Variants in DLGAP2 observed in about 807,000 individuals in gnomAD.
The protein encoded by DLGAP2 is disks large-associated protein 2.
Under a neutral mutation model 100.3 loss-of-function variants are expected in DLGAP2, and 26 were observed. The observed-to-expected ratio is 0.26, with a 90% CI of 0.19 to 0.36. DLGAP2 has a LOEUF of 0.36. Ranked by LOEUF, DLGAP2 falls within the 10% of genes least tolerant of loss-of-function variation. The probability of loss-of-function intolerance (pLI) is 1.00; values close to 1 mark genes in which losing one functional copy is unlikely to be tolerated. For missense variants in DLGAP2, 1,858 were observed against 1,453.2 expected (o/e 1.28, Z -4.53); for synonymous variants, 886 against 630.1 (o/e 1.41, Z -6.08).
chr8:1,445,943 T>C (rs1192732027), intron 3 of DLGAP2, among the ~76,000 whole-genome samples: 3 of 152,090 alleles, frequency 2.0e-5, no homozygotes, highest in African/African-American at 7.2e-5. Context: ...GGTCGTTTGC[T>C]TTTTTTCTTG....
intron 5 of DLGAP2, among the ~76,000 whole-genome samples, chr8:1,556,535 GC>G (rs1359851491): frequency 6.6e-6 from 1 of 152,196 alleles, no homozygotes; most frequent in Non-Finnish European, 1.5e-5. Flanking sequence ...TGTGTCTCCT[GC>G]CTCAGACTTG....
At chr8:1,548,465 A>AC (rs1801623237) in intron 4 of DLGAP2, among the ~76,000 whole-genome samples, 161 bp from the exon 5 acceptor site, 1 of 146,396 alleles carries the variant, frequency 6.8e-6, no homozygotes, top group Non-Finnish European at 1.5e-5. Flanking sequence ...TCAGAAAAAA[A>AC]AAAAAAAAAA....
chr8:1,157,333 A>G (rs1796811041), intron 2 of DLGAP2, among the ~76,000 whole-genome samples: 1 of 152,158 alleles, frequency 6.6e-6, no homozygotes, highest in Admixed American at 6.5e-5. Flanking sequence ...CGATGGATGC[A>G]CTTCCAGCGA....
At chr8:1,070,263 C>T (rs543466164) in intron 2 of DLGAP2, among the ~76,000 whole-genome samples, 3 of 152,120 alleles carry the variant, frequency 2.0e-5, no homozygotes, top group South Asian at 4.2e-4. Context: ...TTTTTCATGG[C>T]GTGGGTTCAG....
chr8:1,201,954 A>G (rs10093019), intron 2 of DLGAP2, among the ~76,000 whole-genome samples: 43,130 of 145,012 alleles, frequency 0.3, 6,165 homozygotes, highest in Non-Finnish European at 0.31. Context: ...GTATGTGTAC[A>G]CATGTGGTGT....
At chr8:1,196,263 A>G (rs934539130) in intron 2 of DLGAP2, among the ~76,000 whole-genome samples, 1 of 152,230 alleles carries the variant, frequency 6.6e-6, no homozygotes, top group African/African-American at 2.4e-5. Context: ...GTGTAAATGC[A>G]TCTGCATAGA....
intron 12 of DLGAP2, among the ~76,000 whole-genome samples, chr8:1,685,379 C>T (rs1265832684): frequency 6.6e-6 from 1 of 152,196 alleles, no homozygotes; most frequent in African/African-American, 2.4e-5. Flanking sequence ...GATGCCTGTG[C>T]ACATATTGGC....
At chr8:1,590,067 C>A (rs1163184604) in intron 6 of DLGAP2, among the ~76,000 whole-genome samples, 2 of 152,210 alleles carry the variant, frequency 1.3e-5, no homozygotes, top group African/African-American at 4.8e-5. Flanking sequence ...GCCTCAGTGT[C>A]CGTGGCTGTG....
At chr8:1,409,112 C>T (rs549341417) in intron 3 of DLGAP2, among the ~76,000 whole-genome samples, 1 of 151,776 alleles carries the variant, frequency 6.6e-6, no homozygotes, top group South Asian at 2.1e-4. Context: ...TGCCCAGTTC[C>T]TTGCTCACCA....
intron 3 of DLGAP2, among the ~76,000 whole-genome samples, chr8:1,316,953 G>A (rs868575101): frequency 1.1e-4 from 7 of 65,786 alleles, no homozygotes; most frequent in Admixed American, 4.0e-4. Flanking sequence ...ACTCGGCAGC[G>A]TTTAAAAATA....
rs145840445 is a variant in DLGAP2 at position 953,034 on chromosome 8, T to C, written c.73+45068T>C. 2.3e-3 allele frequency among the ~76,000 whole-genome samples: 349 copies of C among 152,322 alleles called. 1 individual carries two copies. Among genetic ancestry groups the C allele is most frequent in the African/African-American group, 7.7e-3 (321 of 41,572 alleles). ...ATTTGGAAATTATTGGTTCACTGAATTATGCAGGTCTTCAAAATGCTGACA... is the reference window on the plus strand; with the variant it reads ...ATTTGGAAATTATTGGTTCACTGAACTATGCAGGTCTTCAAAATGCTGACA... On this transcript the variant is annotated intron_variant, in intron 2 of 14. Coordinates refer to ENST00000637795, the MANE Select transcript of DLGAP2 (RefSeq NM_001346810.2).
chr8:1,631,733 T>C (rs1266029048), intron 7 of DLGAP2, among the ~76,000 whole-genome samples: 1 of 152,182 alleles, frequency 6.6e-6, no homozygotes, highest in African/African-American at 2.4e-5. Flanking sequence ...CTCTCCAGGG[T>C]CCATGCTGAG....
intron 2 of DLGAP2, among the ~76,000 whole-genome samples, chr8:921,275 T>C (rs1029614861): frequency 7.9e-5 from 12 of 152,266 alleles, no homozygotes; most frequent in African/African-American, 2.6e-4. Flanking sequence ...GGGCTCAGGG[T>C]TTAAATGTTG....
intron 2 of DLGAP2, among the ~76,000 whole-genome samples, chr8:1,255,090 CTCA>C (rs61728615): frequency 1.8e-3 from 239 of 135,358 alleles, no homozygotes; most frequent in African/African-American, 4.6e-3. Context: ...TGTGTGTCCT[CTCA>C]TCCTGCCTGG....
chr8:1,417,842 C>G (rs1796974237), intron 3 of DLGAP2, among the ~76,000 whole-genome samples: 1 of 152,196 alleles, frequency 6.6e-6, no homozygotes, highest in Non-Finnish European at 1.5e-5. Context: ...CGATTATTAC[C>G]TCATCTTTAT....
At chr8:1,043,103 A>T (rs1260528670) in intron 2 of DLGAP2, among the ~76,000 whole-genome samples, 1 of 115,966 alleles carries the variant, frequency 8.6e-6, no homozygotes, top group Non-Finnish European at 1.8e-5. Context: ...TAGGTGGTGG[A>T]TATGGGTGGT....
intron 2 of DLGAP2, among the ~76,000 whole-genome samples, chr8:1,034,047 C>T (rs1306665132): frequency 9.9e-5 from 11 of 111,460 alleles, no homozygotes; most frequent in East Asian, 6.7e-4. Context: ...ATCCCGACCC[C>T]GCGTGTCACC....
chr8:1,663,545 T>C (rs546729992), intron 8 of DLGAP2, among the ~76,000 whole-genome samples: 2 of 152,256 alleles, frequency 1.3e-5, no homozygotes, highest in African/African-American at 2.4e-5. Context: ...GAAAGATTGA[T>C]TTAATAGAAC....
intron 4 of DLGAP2, among the ~76,000 whole-genome samples, chr8:1,531,672 C>G (rs1800994934): frequency 1.3e-5 from 2 of 152,014 alleles, no homozygotes; most frequent in African/African-American, 2.4e-5. Flanking sequence ...TTAATATTCT[C>G]TAAGAGGAAA....
Sources: allele counts gnomAD v4.1 joint callset (sites outside exome capture counted in the v4.1 genomes callset), GRCh38; gene constraint gnomAD v4.1.1; transcripts MANE v1.5; gene names NCBI Gene and HGNC (gene_info 2026-07-23, HGNC 2026-07-21).